VSIG4: variants seen among roughly 807,000 people sequenced by gnomAD.
The protein encoded by VSIG4 is V-set and immunoglobulin domain containing 4, also known as V-set and immunoglobulin domain-containing protein 4.
VSIG4 carries 34 observed loss-of-function variants against 23.4 expected under a neutral mutation model. That is an observed-to-expected ratio of 1.45 (90% CI 1.10 to 1.93). The LOEUF is 1.93. Ranked by LOEUF, VSIG4 falls within the 30% of genes most tolerant of loss-of-function variation. The pLI is 0.00. For missense variants in VSIG4, 433 were observed against 310.8 expected, an observed-to-expected ratio of 1.39 and a Z score of -2.96; for synonymous variants, 169 against 120.3, an observed-to-expected ratio of 1.41 and a Z score of -2.65.
intron 5 of VSIG4, among the ~76,000 whole-genome samples, chrX:66,026,212 A>C (rs1037446075): frequency 8.9e-6 from 1 of 111,764 alleles, no homozygotes; most frequent in Non-Finnish European, 1.9e-5. Flanking sequence ...ACCTCAGTGT[A>C]CTTAGGATTT....
Position 66,027,448 on chromosome X carries a change from C to A in VSIG4, c.835+1G>T, listed in dbSNP as rs1248422644. ...GATAGAAATCCTGACAATATTCCTACCTGGCCCAGCACTGGTCTCTCCAAG... is the reference window on the plus strand; with the variant it reads ...GATAGAAATCCTGACAATATTCCTAACTGGCCCAGCACTGGTCTCTCCAAG... On this transcript the variant is annotated splice_donor_variant, in intron 5 of 7. Coordinates refer to ENST00000374737, the MANE Select transcript of VSIG4 (RefSeq NM_007268.3). LOFTEE classifies it high-confidence loss of function. 8 of 1,199,426 alleles carry A rather than the reference C, an allele frequency of 6.7e-6. No homozygotes were observed. Among genetic ancestry groups the A allele is most frequent in the Non-Finnish European group, 7.9e-6 (7 of 887,901 alleles).
intron 3 of VSIG4, among the ~76,000 whole-genome samples, chrX:66,031,043 G>A (rs1364505604): frequency 9.0e-6 from 1 of 110,887 alleles, no homozygotes; most frequent in Non-Finnish European, 1.9e-5. Flanking sequence ...AGATTACGTT[G>A]GCTCACAGAG....
At chrX:66,035,859 G>C (rs1213449232) in intron 1 of VSIG4, among the ~76,000 whole-genome samples, 2 of 112,452 alleles carry the variant, frequency 1.8e-5, no homozygotes, top group African/African-American at 6.5e-5. Flanking sequence ...TCTGCTGTGA[G>C]TTGAAAATGC....
In VSIG4 at chrX:66,038,174, G is replaced by A. The variant is rs145167838; in HGVS notation, c.55+1770C>T. ...TTTGATTATCTTGACATATCTCTTA[G>A]CCCCACAGGAAGAGGCTAGCAGCTT... On this transcript the variant is annotated intron_variant, in intron 1 of 7. Coordinates refer to ENST00000374737, the MANE Select transcript of VSIG4 (RefSeq NM_007268.3). Among the ~76,000 whole-genome samples, 15 of 111,246 alleles carry A rather than the reference G, an allele frequency of 1.3e-4. No individual in the cohort carries two copies. The East Asian group carries it at 3.7e-3, about 27-fold the overall frequency.
At chrX:66,032,352 A>G in intron 3 of VSIG4, 116 bp downstream of exon 3, 1 of 961,476 alleles carries the variant, frequency 1.0e-6, no homozygotes, top group South Asian at 2.5e-5. Context: ...TTGTACAACC[A>G]TTGCCTGCTT....
intron 1 of VSIG4, among the ~76,000 whole-genome samples, chrX:66,036,903 A>G (rs866623053): frequency 3.0e-5 from 1 of 33,160 alleles, no homozygotes; most frequent in East Asian, 1.2e-3. Flanking sequence ...TTTATTATAT[A>G]ATATATTATA....
intron 3 of VSIG4, among the ~76,000 whole-genome samples, chrX:66,032,039 G>A (rs1305590490): frequency 2.7e-5 from 3 of 111,844 alleles, no homozygotes; most frequent in East Asian, 2.8e-4. Flanking sequence ...ATAGTAGGAA[G>A]AGCATGAAAT....
In VSIG4 at chrX:66,022,103, G is replaced by A; in HGVS notation, c.*160C>T. The A allele has an allele frequency of 8.5e-7, 1 of 1,171,678 alleles. No individual in the cohort carries two copies. The highest frequency in any genetic ancestry group is 1.1e-6 in the Non-Finnish European group (1 of 875,125). Reference sequence around the variant, plus strand: ...AGCTGGCTTACTTGAGATGCATCTGGCAAATTCCAGGGCAAAGCCAGTGAC... The same window carrying A: ...AGCTGGCTTACTTGAGATGCATCTGACAAATTCCAGGGCAAAGCCAGTGAC... On this transcript the variant is annotated 3_prime_UTR_variant, in exon 8 of 8. Coordinates refer to ENST00000374737, the MANE Select transcript of VSIG4 (RefSeq NM_007268.3).
At chrX:66,035,876 C>A (rs1248605094) in intron 1 of VSIG4, among the ~76,000 whole-genome samples, 1 of 112,429 alleles carries the variant, frequency 8.9e-6, no homozygotes, top group Non-Finnish European at 1.9e-5. Context: ...ATGCCTTTGT[C>A]TATGCATATG....
rs372955922 is a variant in VSIG4 at position 66,033,635 on chromosome X, C to T, written c.251G>A (p.Gly84Asp). ...AACCTTGTGGCTCACATGCAGGCGG[C>T]CCTGGTACTTTGCCTGCTGGATATG... ...GDHIQQAKYQ[G>D]RLHVSHKVPG... Residue 84 changes from glycine to aspartate, a missense_variant, in exon 2 of 8, where the codon GGC becomes GAC. Gly to Asp is a moderately conservative substitution (Grantham distance 94). Coordinates refer to ENST00000374737, the MANE Select transcript of VSIG4 (RefSeq NM_007268.3). 2 of 1,209,386 alleles carry T rather than the reference C, an allele frequency of 1.7e-6. No individual in the cohort carries two copies. The highest frequency in any genetic ancestry group is 2.2e-5 in the Admixed American group (1 of 45,638).
In VSIG4 at chrX:66,028,900, T is replaced by C. The variant is rs771283974; in HGVS notation, c.695-788A>G. 1.8e-4 allele frequency among the ~76,000 whole-genome samples: 20 copies of C among 111,392 alleles called. 1 individual carries two copies. Among genetic ancestry groups the C allele is most frequent in the South Asian group, 7.5e-4 (2 of 2,679 alleles). On this transcript the variant is annotated intron_variant, in intron 3 of 7. Coordinates refer to ENST00000374737, the MANE Select transcript of VSIG4 (RefSeq NM_007268.3). ...CTCCCCAGGGATGGGGTAGCATTTG[T>C]CACACAGCTGCCTGAGGCAATGGAT...
At chrX:66,034,758 C>T (rs1361932279) in intron 1 of VSIG4, among the ~76,000 whole-genome samples, 1 of 44,536 alleles carries the variant, frequency 2.2e-5, no homozygotes, top group Non-Finnish European at 3.6e-5. Context: ...GAAGGAAACC[C>T]TTGGGGATGG....
At chrX:66,035,122 C>G (rs2085521028) in intron 1 of VSIG4, among the ~76,000 whole-genome samples, 1 of 110,946 alleles carries the variant, frequency 9.0e-6, no homozygotes, top group Non-Finnish European at 1.9e-5. Context: ...AGCCTCTAGC[C>G]TGTGCCCTCA....
At chrX:66,031,303 C>T (rs965041091) in intron 3 of VSIG4, among the ~76,000 whole-genome samples, 5 of 110,050 alleles carry the variant, frequency 4.5e-5, no homozygotes, top group Non-Finnish European at 9.5e-5. Context: ...CACGCCCTGC[C>T]CTCTCTGCTT....
At chrX:66,036,390 T>C (rs2085540462) in intron 1 of VSIG4, among the ~76,000 whole-genome samples, 1 of 105,718 alleles carries the variant, frequency 9.5e-6, no homozygotes, top group South Asian at 4.0e-4. Context: ...CCTTTCCTTG[T>C]AGTTCCCCTA....
rs778670376 is a variant in VSIG4, at chrX:66,032,438, A to T, written c.694+30T>A. 3.4e-6 allele frequency: 4 copies of T among 1,193,499 alleles called. No homozygotes were observed. The East Asian group carries it at 1.2e-4, about 36-fold the overall frequency. ...ATCTTTGTTTCAAGCTTGTGTGTTA[A>T]GATGCTCACCAGGAAAGAGGGCCGC... On this transcript the variant is annotated intron_variant, in intron 3 of 7. Coordinates refer to ENST00000374737, the MANE Select transcript of VSIG4 (RefSeq NM_007268.3).
chrX:66,034,551 T>C (rs2085511395), intron 1 of VSIG4, among the ~76,000 whole-genome samples: 2 of 112,163 alleles, frequency 1.8e-5, no homozygotes, highest in South Asian at 7.3e-4. Flanking sequence ...TGACTTTTTT[T>C]CTGATTTCTT....
intron 2 of VSIG4, 71 bp downstream of exon 2, chrX:66,033,403 G>A: frequency 9.9e-7 from 1 of 1,011,057 alleles, no homozygotes; most frequent in South Asian, 2.2e-5. Flanking sequence ...GGATTTTTCA[G>A]GCTTTTCTAG....
chrX:66,024,395 T>C (rs2085366167), intron 6 of VSIG4, among the ~76,000 whole-genome samples: 1 of 112,049 alleles, frequency 8.9e-6, no homozygotes, highest in South Asian at 3.7e-4. Flanking sequence ...AGCTTTCATT[T>C]CCCACTGTAC....
Sources: gnomAD v4.1 joint callset for allele counts (sites outside exome capture counted in the v4.1 genomes callset) on GRCh38, gnomAD v4.1.1 for gene constraint, MANE v1.5 for transcripts, NCBI Gene and HGNC (gene_info 2026-07-23, HGNC 2026-07-21) for gene names.